The following ERBB4 variants were observed in gnomAD, a reference collection of about 807,000 sequenced individuals.
The protein encoded by ERBB4 is receptor tyrosine-protein kinase erbB-4.
A neutral mutation model predicts 158.0 loss-of-function variants in ERBB4; 42 were observed. The observed-to-expected ratio is 0.27, with a 90% CI of 0.21 to 0.34. The LOEUF is 0.34. Among genes scored for constraint, ERBB4 ranks in the 10% least tolerant of loss-of-function variants. The pLI is 1.00. For missense variants in ERBB4, 1,333 were observed against 1,624.1 expected (o/e 0.82, Z 3.08); for synonymous variants, 583 against 558.7 (o/e 1.04, Z -0.61).
At chr2:212,070,976 T>C (rs2078098434) in intron 2 of ERBB4, among the ~76,000 whole-genome samples, 1 of 151,956 alleles carries the variant, frequency 6.6e-6, no homozygotes, top group African/African-American at 2.4e-5. Context: ...TTATATTTAT[T>C]TCTGGCTTTG....
At chr2:211,798,866 C>A (rs989188040) in intron 3 of ERBB4, among the ~76,000 whole-genome samples, 1 of 152,144 alleles carries the variant, frequency 6.6e-6, no homozygotes, top group Non-Finnish European at 1.5e-5. Context: ...AGAACAAGAT[C>A]ATAAATTCTA....
intron 20 of ERBB4, among the ~76,000 whole-genome samples, chr2:211,484,694 C>A (rs2065163155): frequency 6.6e-6 from 1 of 152,070 alleles, no homozygotes; most frequent in Non-Finnish European, 1.5e-5. Context: ...CAATAACAGA[C>A]CTTCAAAATA....
At chr2:212,118,097 A>AT (rs1326878411) in intron 2 of ERBB4, among the ~76,000 whole-genome samples, 1 of 152,200 alleles carries the variant, frequency 6.6e-6, no homozygotes, top group African/African-American at 2.4e-5. Context: ...AGACACAAAC[A>AT]TAAAAACCAT....
At chr2:212,414,862 A>G (rs913917369) in intron 1 of ERBB4, among the ~76,000 whole-genome samples, 4 of 152,300 alleles carry the variant, frequency 2.6e-5, no homozygotes, top group African/African-American at 7.2e-5. Context: ...TGTTGTCACA[A>G]TAAATGGCTA....
chr2:212,131,648 T>C (rs551066352), intron 1 of ERBB4, among the ~76,000 whole-genome samples: 6 of 152,330 alleles, frequency 3.9e-5, no homozygotes, highest in Admixed American at 2.6e-4. Flanking sequence ...TAGCAGATTC[T>C]ATCAATATTA....
chr2:212,360,141 A>G (rs551677374), intron 1 of ERBB4, among the ~76,000 whole-genome samples: 72 of 151,772 alleles, frequency 4.7e-4, no homozygotes, highest in Non-Finnish European at 6.6e-4. Flanking sequence ...GAACCTTTCT[A>G]TCACTTCAAA....
intron 1 of ERBB4, among the ~76,000 whole-genome samples, chr2:212,502,449 C>T (rs1488221991): frequency 6.6e-6 from 1 of 152,090 alleles, no homozygotes; most frequent in Non-Finnish European, 1.5e-5. Flanking sequence ...CATACTATGG[C>T]AAACAGAAGA....
intron 3 of ERBB4, among the ~76,000 whole-genome samples, chr2:211,929,584 T>C (rs1442086523): frequency 1.3e-5 from 2 of 152,154 alleles, no homozygotes; most frequent in East Asian, 3.9e-4. Context: ...TATAAACACA[T>C]ATGGATTACT....
At chr2:211,931,342 A>T (rs2080169625) in intron 3 of ERBB4, among the ~76,000 whole-genome samples, 1 of 152,146 alleles carries the variant, frequency 6.6e-6, no homozygotes, top group Admixed American at 6.6e-5. Context: ...TCTCTATGCC[A>T]GAAAATAAAT....
intron 4 of ERBB4, among the ~76,000 whole-genome samples, chr2:211,756,238 A>G (rs1252653785): frequency 1.3e-5 from 2 of 152,162 alleles, no homozygotes; most frequent in Non-Finnish European, 2.9e-5. Context: ...AAATATAGGT[A>G]TGTATAAAGT....
At chr2:211,499,254 G>A (rs1199593780) in intron 20 of ERBB4, among the ~76,000 whole-genome samples, 7 of 152,070 alleles carry the variant, frequency 4.6e-5, no homozygotes, top group Admixed American at 1.3e-4. Flanking sequence ...GCCGGGTGCC[G>A]TGGCTCACGC....
At chr2:212,453,463 T>C (rs1318939925) in intron 1 of ERBB4, among the ~76,000 whole-genome samples, 1 of 152,186 alleles carries the variant, frequency 6.6e-6, no homozygotes, top group African/African-American at 2.4e-5. Context: ...TAACACATGA[T>C]CAACATTGCA....
intron 19 of ERBB4, among the ~76,000 whole-genome samples, chr2:211,581,644 C>G (rs1024628158): frequency 6.6e-6 from 1 of 152,106 alleles, no homozygotes; most frequent in Admixed American, 6.6e-5. Context: ...CTCTTTCTTC[C>G]CATCATTCCC....
intron 20 of ERBB4, among the ~76,000 whole-genome samples, chr2:211,443,744 T>G (rs2064043084): frequency 6.6e-6 from 1 of 152,062 alleles, no homozygotes. Context: ...TTAGACATGT[T>G]AGTTACTCAG....
At chr2:212,232,341 A>G (rs909267401) in intron 1 of ERBB4, among the ~76,000 whole-genome samples, 3 of 152,194 alleles carry the variant, frequency 2.0e-5, no homozygotes, top group African/African-American at 7.2e-5. Flanking sequence ...AAGGCTTTGA[A>G]GGAAAACAAT....
intron 19 of ERBB4, among the ~76,000 whole-genome samples, chr2:211,573,216 C>T (rs560504707): frequency 6.6e-6 from 1 of 152,122 alleles, no homozygotes; most frequent in Non-Finnish European, 1.5e-5. Flanking sequence ...AGCCAAGGAA[C>T]ATCTGTAGCC....
chr2:212,052,191 T>A (rs1202276856), intron 2 of ERBB4, among the ~76,000 whole-genome samples: 1 of 152,186 alleles, frequency 6.6e-6, no homozygotes, highest in Non-Finnish European at 1.5e-5. Flanking sequence ...CCAGCTTTCA[T>A]CCTTCTCCCA....
At chr2:211,856,203 T>C (rs1005716858) in intron 3 of ERBB4, among the ~76,000 whole-genome samples, 1 of 152,246 alleles carries the variant, frequency 6.6e-6, no homozygotes, top group Admixed American at 6.5e-5. Context: ...TAATTCCCAA[T>C]GACTGGAAGT....
In ERBB4 at chr2:211,713,575, C is replaced by T. The variant is rs753661024; in HGVS notation, c.957G>A (p.Gly319=). The change falls in exon 8 of 28, where the codon GGG becomes GGA. Residue 319 remains glycine (G), a synonymous_variant. Transcript: ENST00000342788. The part of the protein sequence containing the change: ...PSSKMEVEEN[G]IKMCKPCTDI... ...CAGTGCAAGGTTTACACATTTTAATCCCATTTTCTTCTACTTCCATCTTGG... is the reference window on the plus strand; with the variant it reads ...CAGTGCAAGGTTTACACATTTTAATTCCATTTTCTTCTACTTCCATCTTGG... The T allele has an allele frequency of 6.2e-7, 1 of 1,612,408 alleles. No individual in the cohort carries two copies. The highest frequency in any genetic ancestry group is 8.5e-7 in the Non-Finnish European group (1 of 1,178,898).
Sources: gnomAD v4.1 joint callset for allele counts (sites outside exome capture counted in the v4.1 genomes callset) on GRCh38, gnomAD v4.1.1 for gene constraint, MANE v1.5 for transcripts, NCBI Gene and HGNC (gene_info 2026-07-23, HGNC 2026-07-21) for gene names.